The following ZNF521 variants were observed in gnomAD, a reference collection of about 807,000 sequenced individuals.
The protein encoded by ZNF521 is LYST-interacting protein 3.
Under a neutral mutation model 105.5 loss-of-function variants are expected in ZNF521, and 14 were observed. That is an observed-to-expected ratio of 0.13 (90% CI 0.09 to 0.21). The LOEUF (loss-of-function observed/expected upper bound fraction) is 0.21. Among genes scored for constraint, ZNF521 ranks in the 10% least tolerant of loss-of-function variants. The pLI, the probability that ZNF521 is intolerant of heterozygous loss-of-function variation, is 1.00. For missense variants in ZNF521, 1,233 were observed against 1,629.7 expected (o/e 0.76, Z 4.19); for synonymous variants, 635 against 606.0 (o/e 1.05, Z -0.70).
At chr18:25,248,584 T>C (rs1047063992) in intron 3 of ZNF521, among the ~76,000 whole-genome samples, 3 of 152,216 alleles carry the variant, frequency 2.0e-5, no homozygotes, top group African/African-American at 7.2e-5. Context: ...AATCCTCTTA[T>C]CCTGTGTACT....
intron 2 of ZNF521, among the ~76,000 whole-genome samples, chr18:25,331,936 G>A (rs371223527): frequency 1.5e-5 from 2 of 134,280 alleles, no homozygotes; most frequent in African/African-American, 5.6e-5. Flanking sequence ...CTCCTTAACT[G>A]CAATCATATA....
chr18:25,102,204 C>T (rs2033979571), intron 5 of ZNF521, among the ~76,000 whole-genome samples: 1 of 152,082 alleles, frequency 6.6e-6, no homozygotes, highest in Non-Finnish European at 1.5e-5. Flanking sequence ...GGACACACGA[C>T]TGGGAAGGCA....
At chr18:25,141,599 T>C (rs2034849432) in intron 5 of ZNF521, among the ~76,000 whole-genome samples, 1 of 152,210 alleles carries the variant, frequency 6.6e-6, no homozygotes, top group South Asian at 2.1e-4. Context: ...TGTGTACTTT[T>C]ACTTCAGGAT....
At chr18:25,212,383 A>C (rs958658223) in intron 4 of ZNF521, among the ~76,000 whole-genome samples, 2 of 149,820 alleles carry the variant, frequency 1.3e-5, no homozygotes, top group Non-Finnish European at 3.0e-5. Flanking sequence ...GGTGGCGCAC[A>C]CCTGTAGTCT....
chr18:25,223,182 C>G (rs996843114), intron 4 of ZNF521, among the ~76,000 whole-genome samples: 1 of 152,214 alleles, frequency 6.6e-6, no homozygotes, highest in Non-Finnish European at 1.5e-5. Context: ...TATGTTCTTC[C>G]AGCTGTCCTC....
intron 5 of ZNF521, among the ~76,000 whole-genome samples, chr18:25,192,690 CAA>C (rs35255872): frequency 3.1e-5 from 4 of 128,508 alleles, no homozygotes; most frequent in Non-Finnish European, 3.4e-5. Flanking sequence ...TTTGATTAGA[CAA>C]AAAAAAAAAA....
At chr18:25,081,058 C>T (rs972715367) in intron 7 of ZNF521, among the ~76,000 whole-genome samples, 5 of 147,792 alleles carry the variant, frequency 3.4e-5, no homozygotes, top group African/African-American at 5.0e-5. Flanking sequence ...GCTGTCTTGG[C>T]GACATGGAAG....
chr18:25,150,636 T>C (rs1229066424), intron 5 of ZNF521, among the ~76,000 whole-genome samples: 2 of 152,142 alleles, frequency 1.3e-5, no homozygotes, highest in Non-Finnish European at 2.9e-5. Flanking sequence ...CTTTTTTCCA[T>C]GTGGACTAGT....
intron 7 of ZNF521, chr18:25,082,841 CAAAAAAAAAAAAAA>C (rs59374351): frequency 1.4e-5 from 1 of 73,466 alleles, no homozygotes; most frequent in Non-Finnish European, 2.5e-5. Flanking sequence ...GACTCCGTCT[CAAAAAAAAAAAAAA>C]AAAAAAAAAA....
chr18:25,267,176 C>T (rs921459484), intron 3 of ZNF521, among the ~76,000 whole-genome samples: 5 of 152,112 alleles, frequency 3.3e-5, no homozygotes, highest in Non-Finnish European at 7.4e-5. Flanking sequence ...TCAAACTGGA[C>T]GGAGCCCACC....
At chr18:25,179,192 C>T (rs1429195733) in intron 5 of ZNF521, among the ~76,000 whole-genome samples, 1 of 114,204 alleles carries the variant, frequency 8.8e-6, no homozygotes, top group Non-Finnish European at 1.7e-5. Context: ...TTCCCTCTAT[C>T]CCCCAGGCTG....
At chr18:25,351,539 G>C (rs1384734108) in intron 1 of ZNF521, 1 of 152,368 alleles carries the variant, frequency 6.6e-6, no homozygotes, top group Non-Finnish European at 1.5e-5. Context: ...GGGGGACGAG[G>C]GGGGGAAATC....
chr18:25,143,870 C>T (rs969989315), intron 5 of ZNF521, among the ~76,000 whole-genome samples: 2 of 152,096 alleles, frequency 1.3e-5, no homozygotes, highest in East Asian at 3.9e-4. Flanking sequence ...TACCAATAAG[C>T]TAGTAAATAT....
intron 5 of ZNF521, among the ~76,000 whole-genome samples, chr18:25,190,840 C>T (rs150292357): frequency 5.3e-5 from 8 of 152,290 alleles, no homozygotes; most frequent in East Asian, 1.9e-4. Context: ...ACATAGAGTA[C>T]GTATCTTCCT....
At chr18:25,157,739 G>A (rs2035173659) in intron 5 of ZNF521, among the ~76,000 whole-genome samples, 1 of 151,982 alleles carries the variant, frequency 6.6e-6, no homozygotes, top group South Asian at 2.1e-4. Context: ...GTGGCCTTGG[G>A]GAAGCTACTA....
At chr18:25,303,248 AAAAAG>A (rs1911742730) in intron 3 of ZNF521, among the ~76,000 whole-genome samples, 1 of 151,774 alleles carries the variant, frequency 6.6e-6, no homozygotes, top group South Asian at 2.1e-4. Context: ...CTGTGAAAAA[AAAAAG>A]AAACTCTTTC....
chr18:25,246,387 C>T (rs1240359876), intron 3 of ZNF521, among the ~76,000 whole-genome samples: 1 of 152,180 alleles, frequency 6.6e-6, no homozygotes, highest in Non-Finnish European at 1.5e-5. Flanking sequence ...TATAACACCA[C>T]AATCAATTGT....
chr18:25,187,336 T>C (rs1161598758), intron 5 of ZNF521, among the ~76,000 whole-genome samples: 3 of 152,146 alleles, frequency 2.0e-5, no homozygotes, highest in Non-Finnish European at 4.4e-5. Flanking sequence ...AATGTAAGCG[T>C]GAACTTAAAC....
At chr18:25,329,774 T>C (rs1913448466) in intron 2 of ZNF521, among the ~76,000 whole-genome samples, 1 of 152,286 alleles carries the variant, frequency 6.6e-6, no homozygotes, top group African/African-American at 2.4e-5. Context: ...CTGATTGACA[T>C]TTTACAAAGA....
Sources: gnomAD v4.1 joint callset for allele counts (sites outside exome capture counted in the v4.1 genomes callset) on GRCh38, gnomAD v4.1.1 for gene constraint, MANE v1.5 for transcripts, NCBI Gene and HGNC (gene_info 2026-07-23, HGNC 2026-07-21) for gene names.